Variants in PLD5 observed in about 807,000 individuals in gnomAD.
The protein encoded by PLD5 is inactive phospholipase D5.
A neutral mutation model predicts 61.1 loss-of-function variants in PLD5; 36 were observed. The ratio of observed to expected loss-of-function variants is 0.59; its 90% CI spans 0.45 to 0.78. The LOEUF (loss-of-function observed/expected upper bound fraction) is 0.78, where lower values mean the gene tolerates loss of function less well. Among genes scored for constraint, PLD5 ranks in the 30% least tolerant of loss-of-function variants. The pLI, the probability that PLD5 is intolerant of heterozygous loss-of-function variation, is 0.00. For missense variants in PLD5, 515 were observed against 644.4 expected, an observed-to-expected ratio of 0.80 and a Z score of 2.17; for synonymous variants, 243 against 242.8, an observed-to-expected ratio of 1.00 and a Z score of -0.01.
upstream of PLD5, among the ~76,000 whole-genome samples, chr1:242,527,114 C>CTTCTTTT (rs1669464635): frequency 1.4e-5 from 1 of 71,946 alleles, no homozygotes; most frequent in African/African-American, 5.5e-5. Flanking sequence ...CTATCTCCTT[C>CTTCTTTT]TTTTTTTTTT....
intron 2 of PLD5, among the ~76,000 whole-genome samples, chr1:242,308,106 T>G (rs1051359812): frequency 6.6e-6 from 1 of 152,186 alleles, no homozygotes; most frequent in Non-Finnish European, 1.5e-5. Flanking sequence ...AATAAACTTT[T>G]CATTCATATT....
At chr1:242,149,670 T>TACAC (rs58100712) in intron 5 of PLD5, among the ~76,000 whole-genome samples, 331 of 146,672 alleles carry the variant, frequency 2.3e-3, no homozygotes, top group Middle Eastern at 0.017. Context: ...TTTATACACA[T>TACAC]ACACACACAC....
chr1:242,130,726 A>T (rs1663171933), intron 5 of PLD5, among the ~76,000 whole-genome samples: 1 of 152,216 alleles, frequency 6.6e-6, no homozygotes, highest in Non-Finnish European at 1.5e-5. Flanking sequence ...GCCACAGAGC[A>T]TCCTGATGGG....
intron 4 of PLD5, among the ~76,000 whole-genome samples, chr1:242,230,614 GA>G (rs1372538597): frequency 6.6e-6 from 1 of 152,174 alleles, no homozygotes; most frequent in Non-Finnish European, 1.5e-5. Flanking sequence ...GGGGAAACAT[GA>G]AAGGGTGAAA....
chr1:242,333,887 T>C (rs961639413), intron 2 of PLD5, among the ~76,000 whole-genome samples: 1 of 152,198 alleles, frequency 6.6e-6, no homozygotes, highest in Non-Finnish European at 1.5e-5. Flanking sequence ...ATTTACTTTA[T>C]TTACCCATCC....
chr1:242,139,098 C>T (rs1252542850), intron 5 of PLD5, among the ~76,000 whole-genome samples: 1 of 152,180 alleles, frequency 6.6e-6, no homozygotes, highest in Non-Finnish European at 1.5e-5. Flanking sequence ...TGTGACAACA[C>T]TGCAAGGGTT....
At chr1:242,143,904 C>T (rs528593029) in intron 5 of PLD5, among the ~76,000 whole-genome samples, 13 of 151,408 alleles carry the variant, frequency 8.6e-5, no homozygotes, top group Admixed American at 1.3e-4. Flanking sequence ...TGCAGTGGCA[C>T]GATCTTGGCT....
At chr1:242,529,800 T>TTCCTTCCTTCCC in the PLD5 span, among the ~76,000 whole-genome samples, 19 of 149,738 alleles carry the variant, frequency 1.3e-4, no homozygotes, top group African/African-American at 4.7e-4. Flanking sequence ...CCTTCCTTCC[T>TTCCTTCCTTCCC]TCCTTCCTTC....
intron 5 of PLD5, among the ~76,000 whole-genome samples, chr1:242,140,321 A>G (rs141613730): frequency 1.3e-5 from 2 of 152,312 alleles, no homozygotes; most frequent in African/African-American, 4.8e-5. Context: ...AGCTGAACAT[A>G]TTATATCCCA....
At position 242,195,000 on chromosome 1, in the gene PLD5, C is replaced by T. The variant is rs565963959; in HGVS notation, c.735+24988G>A. Among the ~76,000 whole-genome samples the T allele has an allele frequency of 1.4e-4, 21 of 152,126 alleles. 1 individual carries two copies. The East Asian group carries it at 4.1e-3, about 29-fold the overall frequency. ...AAGAATTTACTCATGTAACCAAACA[C>T]CACCTGTTCCCCAAAAACCTATGGA... On this transcript the variant is annotated intron_variant, in intron 5 of 9. Transcript: ENST00000536534.
At chr1:242,179,487 C>T (rs1667380569) in intron 5 of PLD5, among the ~76,000 whole-genome samples, 1 of 152,206 alleles carries the variant, frequency 6.6e-6, no homozygotes, top group Non-Finnish European at 1.5e-5. Context: ...TCAGCCACTG[C>T]TGTGCTGCTG....
intron 1 of PLD5, among the ~76,000 whole-genome samples, chr1:242,444,985 T>C (rs1666463947): frequency 6.6e-6 from 1 of 152,096 alleles, no homozygotes; most frequent in Non-Finnish European, 1.5e-5. Flanking sequence ...TCTCTTAAGT[T>C]ATGCCTTTAT....
chr1:242,310,468 AC>A (rs1676637218), intron 2 of PLD5, among the ~76,000 whole-genome samples: 1 of 152,166 alleles, frequency 6.6e-6, no homozygotes, highest in Non-Finnish European at 1.5e-5. Context: ...CCCCTATAAC[AC>A]AAATAATCAT....
At chr1:242,434,832 C>T (rs1227248662) in intron 1 of PLD5, among the ~76,000 whole-genome samples, 1 of 152,120 alleles carries the variant, frequency 6.6e-6, no homozygotes, top group Admixed American at 6.5e-5. Flanking sequence ...CCAGGATGGT[C>T]TTGATCTCCT....
At chr1:242,304,039 G>A (rs986041769) in intron 2 of PLD5, among the ~76,000 whole-genome samples, 1 of 152,116 alleles carries the variant, frequency 6.6e-6, no homozygotes, top group African/African-American at 2.4e-5. Context: ...CTACTTTCAA[G>A]TCTGATGCTT....
In PLD5 at chr1:242,200,456, A is replaced by C. The variant is rs113630584; in HGVS notation, c.735+19532T>G. Among the ~76,000 whole-genome samples the C allele has an allele frequency of 1.7e-3, 256 of 152,280 alleles. 2 individuals are homozygous for C. Among genetic ancestry groups the C allele is most frequent in the African/African-American group, 5.7e-3 (237 of 41,550 alleles). On this transcript the variant is annotated intron_variant, in intron 5 of 9. Coordinates refer to ENST00000536534, the MANE Select transcript of PLD5 (RefSeq NM_001372062.1). ...AGGCAGTAGCTTTGAGACGTCTTGGATGTGCTAGGTCTTTCTGCATACTTT... is the reference window on the plus strand; with the variant it reads ...AGGCAGTAGCTTTGAGACGTCTTGGCTGTGCTAGGTCTTTCTGCATACTTT...
intron 5 of PLD5, among the ~76,000 whole-genome samples, chr1:242,137,431 A>T (rs574785651): frequency 6.6e-6 from 1 of 152,112 alleles, no homozygotes; most frequent in Admixed American, 6.6e-5. Flanking sequence ...TTTTCCTCCC[A>T]TGCTACTAGC....
intron 1 of PLD5, among the ~76,000 whole-genome samples, chr1:242,511,549 GGTA>G (rs1168341598): frequency 2.0e-5 from 3 of 151,586 alleles, no homozygotes; most frequent in African/African-American, 7.3e-5. Context: ...TGACCTCTGT[GGTA>G]CTCCATCCTA....
At chr1:242,412,510 A>G (rs930007404) in intron 1 of PLD5, among the ~76,000 whole-genome samples, 9 of 152,240 alleles carry the variant, frequency 5.9e-5, no homozygotes, top group Non-Finnish European at 1.3e-4. Flanking sequence ...TCACCACCAC[A>G]GTCAAGAAAC....
Sources: gnomAD v4.1 joint callset for allele counts (sites outside exome capture counted in the v4.1 genomes callset) on GRCh38, gnomAD v4.1.1 for gene constraint, MANE v1.5 for transcripts, NCBI Gene and HGNC (gene_info 2026-07-23, HGNC 2026-07-21) for gene names.